The following PCDHGA8 variants were observed in gnomAD, a reference collection of about 807,000 sequenced individuals.
PCDHGA8 encodes the protein protocadherin gamma subfamily A, 8.
In PCDHGA8, 45 loss-of-function variants were observed where a neutral mutation model predicts 59.2. That is an observed-to-expected ratio of 0.76 (90% CI 0.60 to 0.98). The LOEUF is 0.98. Among genes scored for constraint, PCDHGA8 ranks in the 50% least tolerant of loss-of-function variants. PCDHGA8 has a pLI of 0.00. For synonymous variants in PCDHGA8, 531 were observed against 519.0 expected (o/e 1.02, Z -0.32); for missense variants, 1,257 against 1,196.2 (o/e 1.05, Z -0.75).
At chr5:141,427,858 C>T in intron 1 of PCDHGA8, 1 of 1,555,500 alleles carries the variant, frequency 6.4e-7, no homozygotes, top group South Asian at 1.1e-5. Context: ...CAGCTGTGCG[C>T]CTTCGAGCTC....
At position 141,477,213 on chromosome 5, in the gene PCDHGA8, C is replaced by G; in HGVS notation, c.2425-17594C>G. ...TACAGCCCAGTACCCGAGGATGCCC[C>G]TCTGGGGACTGTCATCGCTTTGCTC... is the stretch of plus-strand genomic sequence containing the variant. On this transcript the variant is annotated intron_variant, in intron 1 of 3. Coordinates refer to ENST00000398604, the MANE Select transcript of PCDHGA8 (RefSeq NM_032088.2). The surrounding 1 kb of genome is among the most constrained non-coding windows in gnomAD (Gnocchi z 4.9). 6.2e-7 allele frequency: 1 copy of G among 1,614,184 alleles called. No individual in the cohort carries two copies.
At chr5:141,450,565 C>T (rs1024229182) in intron 1 of PCDHGA8, among the ~76,000 whole-genome samples, 2 of 152,016 alleles carry the variant, frequency 1.3e-5, no homozygotes, top group Non-Finnish European at 2.9e-5. Context: ...CGGCTCACTG[C>T]AACTTCTGCC....
chr5:141,398,683 C>A, intron 1 of PCDHGA8: 1 of 1,613,914 alleles, frequency 6.2e-7, no homozygotes, highest in Non-Finnish European at 8.5e-7. Flanking sequence ...TAAGGAGAAA[C>A]AGGATGGTAG....
intron 1 of PCDHGA8, chr5:141,410,627 TTC>T: frequency 6.2e-7 from 1 of 1,602,046 alleles, no homozygotes; most frequent in Admixed American, 1.7e-5. Flanking sequence ...TTCGGTGAGT[TTC>T]TCTTTTTTGT....
chr5:141,430,629 C>A, intron 1 of PCDHGA8: 1 of 812,246 alleles, frequency 1.2e-6, no homozygotes. Context: ...AGGAATGAAC[C>A]ATCCCTGGGA....
chr5:141,397,573 T>C (rs1196804839), intron 1 of PCDHGA8, among the ~76,000 whole-genome samples: 1 of 152,212 alleles, frequency 6.6e-6, no homozygotes, highest in African/African-American at 2.4e-5. Flanking sequence ...GAGCAAGAAC[T>C]GTATCATATT....
At chr5:141,502,499 C>A (rs552402476) in intron 2 of PCDHGA8, among the ~76,000 whole-genome samples, 12 of 152,122 alleles carry the variant, frequency 7.9e-5, no homozygotes, top group Non-Finnish European at 2.9e-5. Flanking sequence ...CATCTAACGT[C>A]GGCCTGTCCC....
In PCDHGA8 at chr5:141,394,376, C is replaced by G. The variant is rs1407081878; in HGVS notation, c.1563C>G (p.Asp521Glu). 29 of 1,614,222 alleles carry G rather than the reference C, an allele frequency of 1.8e-5. No individual in the cohort carries two copies. Among genetic ancestry groups the G allele is most frequent in the Non-Finnish European group, 2.5e-5 (29 of 1,180,032 alleles). ...TCCTGTATGCGCTGCAATCTTTCGACTATGAGCAGATCCGAGACCTGCAGC... is the reference window on the plus strand; with the variant it reads ...TCCTGTATGCGCTGCAATCTTTCGAGTATGAGCAGATCCGAGACCTGCAGC... ...TGVLYALQSF[D>E]YEQIRDLQLL... The change falls in exon 1 of 4, where the codon GAC (aspartate) becomes GAG (glutamate). Residue 521 changes from aspartate to glutamate, a missense_variant. Transcript: ENST00000398604.
chr5:141,404,363 A>G (rs1459982001), intron 1 of PCDHGA8: 15 of 1,613,846 alleles, frequency 9.3e-6, no homozygotes, highest in African/African-American at 1.3e-5. Flanking sequence ...AGGTACTTCC[A>G]TCTTCTCCGT....
In PCDHGA8 at chr5:141,433,198, A is replaced by G. The variant is rs373769649; in HGVS notation, c.2424+37961A>G. 11 of 1,581,706 alleles carry G rather than the reference A, an allele frequency of 7.0e-6. No individual in the cohort carries two copies. The African/African-American group carries it at 1.1e-4, about 16-fold the overall frequency. On this transcript the variant is annotated intron_variant, in intron 1 of 3. Coordinates refer to ENST00000398604, the MANE Select transcript of PCDHGA8 (RefSeq NM_032088.2). ...GGTTAATTGAGGTGAGTTTATATCA[A>G]ATCTTCTTTCTTTTTTTTTTTTAAT...
intron 1 of PCDHGA8, chr5:141,404,727 T>G (rs762980421): frequency 6.2e-7 from 1 of 1,613,912 alleles, no homozygotes; most frequent in Non-Finnish European, 8.5e-7. Flanking sequence ...ACCAAGGTGG[T>G]GGCAGTGGAC....
chr5:141,422,807 G>C (rs199507728), intron 1 of PCDHGA8: 7 of 1,614,198 alleles, frequency 4.3e-6, no homozygotes, highest in Non-Finnish European at 5.9e-6. Context: ...GAGCAGTTTC[G>C]AGACTTAGAA....
intron 1 of PCDHGA8, chr5:141,422,122 A>G (rs758254144): frequency 6.2e-7 from 1 of 1,601,596 alleles, no homozygotes; most frequent in African/African-American, 1.4e-5. Context: ...GGATTCACAA[A>G]CTGGAGAAGT....
At position 141,431,174 on chromosome 5, in the gene PCDHGA8, G is replaced by C. The variant is rs568632160; in HGVS notation, c.2424+35937G>C. 6.2e-7 allele frequency: 1 copy of C among 1,614,224 alleles called. No individual in the cohort carries two copies. The highest frequency in any genetic ancestry group is 1.1e-5 in the South Asian group (1 of 91,088). ...GCCTTACTTTCGTGAAAGTGAATTA[G>C]AAATAAAAATTAGTGAAAATGCAGC... is the stretch of plus-strand genomic sequence containing the variant. On this transcript the variant is annotated intron_variant, in intron 1 of 3. Coordinates refer to ENST00000398604, the MANE Select transcript of PCDHGA8 (RefSeq NM_032088.2). This position sits in a 1 kb window ranked among gnomAD's most constrained non-coding sequence, Gnocchi z 4.8.
chr5:141,476,926 T>G lies in PCDHGA8; in HGVS notation c.2425-17881T>G, dbSNP rs779017502. ...GCGTGGTACAAGTCCTTGCAACGGA[T>G]CTGGATGAAGGCCCCAACGGTGAAA... is the stretch of plus-strand genomic sequence containing the variant. On this transcript the variant is annotated intron_variant, in intron 1 of 3. Coordinates refer to ENST00000398604, the MANE Select transcript of PCDHGA8 (RefSeq NM_032088.2). The surrounding 1 kb of genome is among the most constrained non-coding windows in gnomAD (Gnocchi z 7.6). 1 of 1,614,072 alleles carries G rather than the reference T, an allele frequency of 6.2e-7. No homozygotes were observed. The highest frequency in any genetic ancestry group is 1.1e-5 in the South Asian group (1 of 91,092).
rs201538255 is a variant in PCDHGA8 at position 141,476,796 on chromosome 5, G to A, written c.2425-18011G>A. 10 of 1,613,584 alleles carry A rather than the reference G, an allele frequency of 6.2e-6. No individual in the cohort carries two copies. In the East Asian group the frequency reaches 2.2e-4, roughly 36 times the overall value. On this transcript the variant is annotated intron_variant, in intron 1 of 3. Transcript: ENST00000398604. This position sits in a 1 kb window ranked among gnomAD's most constrained non-coding sequence, Gnocchi z 7.6. Reference sequence around the variant, plus strand: ...GGAGGGACCCCAGCTCTCTCCGCCAGCCTGCCTATTCACATCAAGGTGCTG... The same window carrying A: ...GGAGGGACCCCAGCTCTCTCCGCCAACCTGCCTATTCACATCAAGGTGCTG...
chr5:141,427,139 T>C (rs1430333586), intron 1 of PCDHGA8: 2 of 456,952 alleles, frequency 4.4e-6, no homozygotes, highest in East Asian at 1.4e-4. Context: ...TACGAGATGA[T>C]ATTGGAAATA....
rs1379875429 is a variant in PCDHGA8 at position 141,491,125 on chromosome 5, C to T, written c.2425-3682C>T. 3.1e-6 allele frequency: 5 copies of T among 1,614,020 alleles called. No homozygotes were observed. The highest frequency in any genetic ancestry group is 4.2e-6 in the Non-Finnish European group (5 of 1,179,992). ...CGTGTCTACACACACTGGTGAGGTG[C>T]GCACAGCCCGGGCCTTACTGGAGGA... On this transcript the variant is annotated intron_variant, in intron 1 of 3. Coordinates refer to ENST00000398604, the MANE Select transcript of PCDHGA8 (RefSeq NM_032088.2). The surrounding 1 kb of genome is among the most constrained non-coding windows in gnomAD (Gnocchi z 6.9).
intron 1 of PCDHGA8, among the ~76,000 whole-genome samples, chr5:141,482,899 T>C (rs1238389686): frequency 1.3e-5 from 2 of 152,076 alleles, no homozygotes; most frequent in Non-Finnish European, 2.9e-5. Context: ...TGGTGAAACC[T>C]CATCTCTATT....
Sources: allele counts gnomAD v4.1 joint callset (sites outside exome capture counted in the v4.1 genomes callset), GRCh38; gene constraint gnomAD v4.1.1; non-coding constraint Gnocchi (gnomAD v3.1); transcripts MANE v1.5; gene names NCBI Gene and HGNC (gene_info 2026-07-23, HGNC 2026-07-21).